HERC6: variants seen among roughly 807,000 people sequenced by gnomAD.
The protein encoded by HERC6 is HECT and RLD domain containing E3 ubiquitin protein ligase family member 6, also known as probable E3 ubiquitin-protein ligase HERC6.
Under a neutral mutation model 114.5 loss-of-function variants are expected in HERC6, and 101 were observed. The ratio of observed to expected loss-of-function variants is 0.88; its 90% CI spans 0.75 to 1.04. The LOEUF is 1.04. HERC6 is among the 50% of genes least tolerant of loss of function. HERC6 has a pLI of 0.00. For missense variants in HERC6, 1,133 were observed against 1,230.9 expected, an observed-to-expected ratio of 0.92 and a Z score of 1.19; for synonymous variants, 408 against 436.2, an observed-to-expected ratio of 0.94 and a Z score of 0.81.
At chr4:88,379,396 A>G (rs895985479) in intron 1 of HERC6, among the ~76,000 whole-genome samples, 1 of 151,854 alleles carries the variant, frequency 6.6e-6, no homozygotes, top group Non-Finnish European at 1.5e-5. Context: ...CGTTTTCCCA[A>G]CGCCCCTCGG....
chr4:88,433,189 A>G (rs1738416331), intron 17 of HERC6, among the ~76,000 whole-genome samples: 1 of 152,228 alleles, frequency 6.6e-6, no homozygotes, highest in Admixed American at 6.5e-5. Context: ...TATTTTAAAT[A>G]ATTTTGTGCA....
At chr4:88,390,123 G>A (rs1386743194) in intron 3 of HERC6, among the ~76,000 whole-genome samples, 8 of 143,116 alleles carry the variant, frequency 5.6e-5, no homozygotes, top group Non-Finnish European at 1.2e-4. Context: ...AGTTTGCAGT[G>A]AGCCAAGATC....
In HERC6 at chr4:88,442,408, T is replaced by C; in HGVS notation, c.3017T>C (p.Val1006Ala). The change falls in exon 23 of 23, where the codon GTA (valine) becomes GCA (alanine). Residue 1006 changes from valine to alanine, a missense_variant. By Grantham distance (64) the Val-to-Ala change is moderately conservative (BLOSUM62 0). Around this residue, in one of 3 missense-constraint regions of HERC6, gnomAD observed 388 missense variants for 445.9 expected, o/e 0.87. Coordinates refer to ENST00000264346, the MANE Select transcript of HERC6 (RefSeq NM_017912.4). ...GAAAGAATGGAGGAAGCACTTCAAG[T>C]AGCCATCAACAACAACAGAGGATTT... Reference protein sequence around the residue: ...TMERMEEALQVAINNNRGFVS... With the variant: ...TMERMEEALQAAINNNRGFVS... 4.3e-6 allele frequency: 7 copies of C among 1,614,052 alleles called. No individual in the cohort carries two copies. Among genetic ancestry groups the C allele is most frequent in the Non-Finnish European group, 5.9e-6 (7 of 1,179,982 alleles).
rs60722298 is a variant in HERC6 at position 88,390,731 on chromosome 4, G to A, written c.516G>A (p.Pro172=). Residue 172 remains proline (P), a synonymous_variant, in exon 4 of 23, where the codon CCG becomes CCA. Coordinates refer to ENST00000264346, the MANE Select transcript of HERC6 (RefSeq NM_017912.4). ...AGGAGTTCCCCTCCCAAGCCAGCCC[G>A]CAGAGGGTGAGGTCCCTGGAGGGGA... ...LGKEFPSQAS[P]QRVRSLEGIP... The A allele has an allele frequency of 2.2e-3, 3,610 of 1,614,120 alleles. 83 individuals carry two copies. In the African/African-American group the frequency reaches 0.042, roughly 19 times the overall value.
Position 88,396,141 on chromosome 4 carries a change from A to C in HERC6, c.886A>C (p.Ser296Arg), listed in dbSNP as rs778198000. The C allele has an allele frequency of 1.9e-6, 3 of 1,593,574 alleles. No homozygotes were observed. The highest frequency in any genetic ancestry group is 3.5e-5 in the Admixed American group (2 of 56,402). The change falls in exon 6 of 23, where the codon AGT becomes CGT. Residue 296 changes from serine (S) to arginine (R), a missense_variant and splice_region_variant. Coordinates refer to ENST00000264346, the MANE Select transcript of HERC6 (RefSeq NM_017912.4). ...DGLVSQIDCG[S>R]YHTLAYVHTT... ...CCTAGTTTCGCAGATAGATTGTGGAAGGTAATAGGCTTCTTCTTCTTCTTT... is the reference window on the plus strand; with the variant it reads ...CCTAGTTTCGCAGATAGATTGTGGACGGTAATAGGCTTCTTCTTCTTCTTT...
At chr4:88,433,898 G>A (rs1366496527) in intron 17 of HERC6, among the ~76,000 whole-genome samples, 1 of 152,148 alleles carries the variant, frequency 6.6e-6, no homozygotes, top group Admixed American at 6.5e-5. Context: ...GTATCTTTTC[G>A]AGAACAAATG....
At position 88,430,315 on chromosome 4, in the gene HERC6, G is replaced by A. The variant is rs564695377; in HGVS notation, c.2107-847G>A. On this transcript the variant is annotated intron_variant, in intron 16 of 22. Coordinates refer to ENST00000264346, the MANE Select transcript of HERC6 (RefSeq NM_017912.4). ...TTTTAAAAAGAGGGACTGGGGCCAG[G>A]TGCGGTGGCTCACACCTGTAATCCC... 3.3e-5 allele frequency among the ~76,000 whole-genome samples: 5 copies of A among 152,070 alleles called. No individual in the cohort carries two copies. In the East Asian group the frequency reaches 7.7e-4, roughly 24 times the overall value.
intron 10 of HERC6, among the ~76,000 whole-genome samples, chr4:88,408,309 C>T (rs965188202): frequency 2.0e-5 from 3 of 152,126 alleles, no homozygotes; most frequent in Non-Finnish European, 4.4e-5. Flanking sequence ...GATGTAGCCA[C>T]TACAGAGATA....
In HERC6 at chr4:88,404,896, T is replaced by C. The variant is rs1735743659; in HGVS notation, c.1113T>C (p.Ala371=). 1 of 1,613,542 alleles carries C rather than the reference T, an allele frequency of 6.2e-7. No homozygotes were observed. The highest frequency in any genetic ancestry group is 1.3e-5 in the African/African-American group (1 of 74,868). ...TGAAGGATACTAGTTCCACACGTGC[T>C]CCCGGGAAAACCCTGCCAGAAATAA... The part of the protein sequence containing the change: ...TTHQDTSSTR[A]PGKTLPEISR... The change falls in exon 9 of 23, where the codon GCT becomes GCC. Residue 371 remains alanine (A), a synonymous_variant. Coordinates refer to ENST00000264346, the MANE Select transcript of HERC6 (RefSeq NM_017912.4).
At chr4:88,381,799 A>G in intron 1 of HERC6, among the ~76,000 whole-genome samples, 1 of 151,552 alleles carries the variant, frequency 6.6e-6, no homozygotes, top group East Asian at 1.9e-4. Flanking sequence ...CTCGTGATCC[A>G]CCCGCCTCGG....
At chr4:88,423,744 G>A (rs976217188) in intron 13 of HERC6, 116 bp from the exon 14 acceptor site, 2 of 443,902 alleles carry the variant, frequency 4.5e-6, no homozygotes, top group African/African-American at 2.1e-5. Context: ...AATGTTTTCA[G>A]TTTAGAGAGC....
rs553712586 is a variant in HERC6, at chr4:88,387,870, G to A, written c.436+2295G>A. Among the ~76,000 whole-genome samples the A allele has an allele frequency of 5.9e-5, 9 of 152,202 alleles. No homozygotes were observed. In the East Asian group the frequency reaches 1.2e-3, roughly 20 times the overall value. On this transcript the variant is annotated intron_variant, in intron 3 of 22. Transcript: ENST00000264346. ...GACATGGTGTGAATTCTTTCCTTGG[G>A]GCACTGACTTGCCTTTGCATTGGTC...
In HERC6 at chr4:88,396,069, C is replaced by T. The variant is rs2148881777; in HGVS notation, c.814C>T (p.Pro272Ser). Residue 272 changes from proline (P) to serine (S), a missense_variant, in exon 6 of 23, where the codon CCC becomes TCC. Physicochemically the swap from Pro to Ser is moderately conservative, Grantham distance 74. Transcript: ENST00000264346. ...TCGCTCTGGACAGCTGGGATACAGC[C>T]CCACTCCTGAGAAGAGAGGTCCACA... is the stretch of plus-strand genomic sequence containing the variant. ...DNRSGQLGYS[P>S]TPEKRGPQLV... 2 of 1,608,410 alleles carry T rather than the reference C, an allele frequency of 1.2e-6. No homozygotes were observed. The highest frequency in any genetic ancestry group is 2.2e-5 in the East Asian group (1 of 44,462).
chr4:88,439,277 G>A (rs1297273342), intron 20 of HERC6, among the ~76,000 whole-genome samples: 1 of 152,050 alleles, frequency 6.6e-6, no homozygotes, highest in Admixed American at 6.6e-5. Flanking sequence ...AGGAGGCTGT[G>A]GCGGGAGGTT....
intron 22 of HERC6, among the ~76,000 whole-genome samples, chr4:88,441,002 TC>T (rs1739295861): frequency 6.6e-6 from 1 of 151,994 alleles, no homozygotes; most frequent in African/African-American, 2.4e-5. Context: ...GAACCCAGGC[TC>T]CCTACCTTCT....
At chr4:88,397,853 A>G (rs1237299109) in intron 7 of HERC6, among the ~76,000 whole-genome samples, 1 of 152,212 alleles carries the variant, frequency 6.6e-6, no homozygotes, top group African/African-American at 2.4e-5. Flanking sequence ...CATATATTTA[A>G]TCAAATCTCT....
chr4:88,440,317 A>G (rs1739221844), intron 22 of HERC6, 67 bp downstream of exon 22: 1 of 964,508 alleles, frequency 1.0e-6, no homozygotes. Flanking sequence ...TCTTGTTTAG[A>G]ATGAAGCCAT....
At position 88,398,166 on chromosome 4, in the gene HERC6, A is replaced by C; in HGVS notation, c.1049A>C (p.His350Pro). ...AEDFVDVQVK[H>P]IFAGTYANFV... ...GACTTCGTGGATGTTCAAGTCAAAC[A>C]CATTTTTGCTGGAACATATGCCAAC... The change falls in exon 8 of 23, where the codon CAC (histidine) becomes CCC (proline). Residue 350 changes from histidine (H) to proline (P), a missense_variant. This residue lies in a region of HERC6 where 735 missense variants were observed against 754.0 expected (regional missense o/e 0.97). Transcript: ENST00000264346. The C allele has an allele frequency of 1.3e-6, 2 of 1,598,820 alleles. No individual in the cohort carries two copies. Among genetic ancestry groups the C allele is most frequent in the South Asian group, 1.1e-5 (1 of 87,618 alleles).
chr4:88,439,290 C>T (rs1016068671), intron 20 of HERC6, among the ~76,000 whole-genome samples: 8 of 151,610 alleles, frequency 5.3e-5, no homozygotes, highest in Non-Finnish European at 1.2e-4. Flanking sequence ...GGGAGGTTCG[C>T]TTGAGGCCAG....
Sources: gnomAD v4.1 joint callset for allele counts (sites outside exome capture counted in the v4.1 genomes callset) on GRCh38, gnomAD v4.1.1 for gene constraint, gnomAD v4.1.1 regional missense constraint, MANE v1.5 for transcripts, NCBI Gene and HGNC (gene_info 2026-07-23, HGNC 2026-07-21) for gene names.